TCERG1L: variants seen among roughly 807,000 people sequenced by gnomAD.
TCERG1L encodes transcription elongation regulator 1 like.
TCERG1L carries 37 observed loss-of-function variants against 56.3 expected under a neutral mutation model. The ratio of observed to expected loss-of-function variants is 0.66; its 90% CI spans 0.51 to 0.87. The LOEUF is 0.87. Among genes scored for constraint, TCERG1L ranks in the 40% least tolerant of loss-of-function variants. The probability of loss-of-function intolerance (pLI) is 0.00; values close to 1 mark genes in which losing one functional copy is unlikely to be tolerated. For synonymous variants in TCERG1L, 324 were observed against 326.3 expected (o/e 0.99, Z 0.08); for missense variants, 799 against 774.2 (o/e 1.03, Z -0.38).
intron 4 of TCERG1L, among the ~76,000 whole-genome samples, chr10:131,234,491 G>A (rs1216917842): frequency 6.6e-5 from 10 of 152,076 alleles, no homozygotes; most frequent in Admixed American, 3.3e-4. Context: ...TGGAATAAAC[G>A]AGAGGCTCAT....
chr10:131,134,580 T>A lies in TCERG1L; in HGVS notation c.1190-132A>T, dbSNP rs973576467. ...AACAGGCTTCTCTTAAAGATTGATG[T>A]GAAATCCTACGAGTTTCCTCTTGGC... On this transcript the variant is annotated intron_variant, in intron 7 of 11. Coordinates refer to ENST00000368642, the MANE Select transcript of TCERG1L (RefSeq NM_174937.4). The A allele has an allele frequency of 7.2e-6, 5 of 693,904 alleles. No individual in the cohort carries two copies. In the African/African-American group the frequency reaches 9.0e-5, roughly 13 times the overall value. 43.0% of individuals were successfully genotyped at this position (693,904 alleles called of 1,614,324 possible).
chr10:131,152,075 C>A (rs1452404994), intron 6 of TCERG1L, among the ~76,000 whole-genome samples: 1 of 152,198 alleles, frequency 6.6e-6, no homozygotes. Flanking sequence ...TACCATGAAG[C>A]TCTCTGACAT....
chr10:131,115,137 G>A (rs1022844551), intron 9 of TCERG1L, among the ~76,000 whole-genome samples: 1 of 152,258 alleles, frequency 6.6e-6, no homozygotes, highest in African/African-American at 2.4e-5. Context: ...GCCAGGGCAT[G>A]TGCCGATATA....
chr10:131,230,783 A>G (rs1845841780), intron 4 of TCERG1L, among the ~76,000 whole-genome samples: 1 of 152,130 alleles, frequency 6.6e-6, no homozygotes, highest in Non-Finnish European at 1.5e-5. Context: ...CTGGCACCTG[A>G]GCTCCATGTG....
intron 4 of TCERG1L, among the ~76,000 whole-genome samples, chr10:131,208,407 A>G (rs1174360802): frequency 3.9e-5 from 6 of 152,184 alleles, no homozygotes; most frequent in Non-Finnish European, 8.8e-5. Flanking sequence ...AGAGCTCGAC[A>G]GAGATGCATG....
Position 131,288,134 on chromosome 10 carries a change from C to G in TCERG1L, c.670+20077G>C, listed in dbSNP as rs1312453906. ...AAGAGGCAGAGCCTGAACCGGCCAC[C>G]ACAAGCCTGCCAGTCTCTGAAGGCT... On this transcript the variant is annotated intron_variant, in intron 3 of 11. Transcript: ENST00000368642. Among the ~76,000 whole-genome samples the G allele has an allele frequency of 2.6e-5, 4 of 152,164 alleles. No individual in the cohort carries two copies. In the East Asian group the frequency reaches 7.7e-4, roughly 29 times the overall value.
intron 4 of TCERG1L, among the ~76,000 whole-genome samples, chr10:131,200,432 C>A (rs1310476351): frequency 6.6e-6 from 1 of 152,222 alleles, no homozygotes. Flanking sequence ...GATTCTCAAA[C>A]CTCGAGATGT....
intron 8 of TCERG1L, among the ~76,000 whole-genome samples, chr10:131,131,937 T>A (rs564427343): frequency 6.6e-6 from 1 of 152,192 alleles, no homozygotes; most frequent in Non-Finnish European, 1.5e-5. Flanking sequence ...TTCTGCGACA[T>A]AGAAATACAT....
intron 4 of TCERG1L, among the ~76,000 whole-genome samples, chr10:131,193,502 T>A (rs2918144): frequency 0.62 from 93,742 of 152,126 alleles, 30,560 homozygotes; most frequent in Non-Finnish European, 0.73. Flanking sequence ...TCTTTTATCC[T>A]TCTTGAGCTG....
intron 4 of TCERG1L, among the ~76,000 whole-genome samples, chr10:131,252,025 T>C (rs1275825385): frequency 6.6e-6 from 1 of 152,216 alleles, no homozygotes; most frequent in African/African-American, 2.4e-5. Flanking sequence ...TGGAATCCTA[T>C]AGGCTTGTTT....
chr10:131,154,014 G>A (rs7074563), intron 6 of TCERG1L, among the ~76,000 whole-genome samples: 31,014 of 152,042 alleles, frequency 0.2, 3,547 homozygotes, highest in South Asian at 0.37. Context: ...GGCTTCCACT[G>A]GACGGGGCCA....
chr10:131,130,559 C>T (rs535630960), intron 8 of TCERG1L, among the ~76,000 whole-genome samples: 6 of 152,330 alleles, frequency 3.9e-5, no homozygotes, highest in African/African-American at 1.4e-4. Flanking sequence ...CTGCTCTGAC[C>T]CTCTCTTCCT....
chr10:131,200,290 C>G (rs1400011934), intron 4 of TCERG1L, among the ~76,000 whole-genome samples: 2 of 152,168 alleles, frequency 1.3e-5, no homozygotes, highest in East Asian at 3.9e-4. Context: ...TTATGAAGAA[C>G]AGAGGACAGA....
At chr10:131,227,248 GC>G (rs973594600) in intron 4 of TCERG1L, among the ~76,000 whole-genome samples, 3 of 152,350 alleles carry the variant, frequency 2.0e-5, no homozygotes, top group African/African-American at 7.2e-5. Context: ...ACCATGGGAG[GC>G]CCCCAGCTCT....
intron 8 of TCERG1L, among the ~76,000 whole-genome samples, chr10:131,130,087 TAA>T (rs34675215): frequency 4.3e-5 from 5 of 116,066 alleles, no homozygotes; most frequent in African/African-American, 6.2e-5. Context: ...GGGTGATTTA[TAA>T]AAAAAAAAAA....
intron 4 of TCERG1L, among the ~76,000 whole-genome samples, chr10:131,253,181 C>T (rs1246493310): frequency 6.6e-6 from 1 of 152,204 alleles, no homozygotes; most frequent in African/African-American, 2.4e-5. Context: ...CGGCCACCAT[C>T]GCAGCCACCG....
chr10:131,302,338 GTTT>G (rs201264732), intron 3 of TCERG1L, among the ~76,000 whole-genome samples: 1 of 128,480 alleles, frequency 7.8e-6, no homozygotes, highest in African/African-American at 2.8e-5. Flanking sequence ...TTGTTTTTTT[GTTT>G]TTTTTTTTTA....
intron 3 of TCERG1L, among the ~76,000 whole-genome samples, chr10:131,281,271 G>A (rs527880834): frequency 6.6e-6 from 1 of 152,296 alleles, no homozygotes; most frequent in East Asian, 1.9e-4. Flanking sequence ...CCTTGCAGCT[G>A]AGCATGCTGA....
chr10:131,309,941 T>C (rs543434609), intron 1 of TCERG1L, among the ~76,000 whole-genome samples: 1 of 150,176 alleles, frequency 6.7e-6, no homozygotes, highest in African/African-American at 2.4e-5. Context: ...CAGGGCACCG[T>C]CTCTCTAATT....
Sources: gnomAD v4.1 joint callset for allele counts (sites outside exome capture counted in the v4.1 genomes callset) on GRCh38, gnomAD v4.1.1 for gene constraint, MANE v1.5 for transcripts, NCBI Gene and HGNC (gene_info 2026-07-23, HGNC 2026-07-21) for gene names.